MMUT: variants seen among roughly 807,000 people sequenced by gnomAD.
MMUT encodes the protein methylmalonyl-CoA mutase, mitochondrial.
A neutral mutation model predicts 79.9 loss-of-function variants in MMUT; 79 were observed. The ratio of observed to expected loss-of-function variants is 0.99; its 90% confidence interval spans 0.82 to 1.19. The LOEUF (loss-of-function observed/expected upper bound fraction) is 1.19. MMUT is among the 50% of genes most tolerant of loss of function. The pLI, the probability that MMUT is intolerant of heterozygous loss-of-function variation, is 0.00. For missense variants in MMUT, 860 were observed against 917.2 expected, an observed-to-expected ratio of 0.94 and a Z score of 0.81; for synonymous variants, 273 against 295.7, an observed-to-expected ratio of 0.92 and a Z score of 0.79.
intron 6 of MMUT, among the ~76,000 whole-genome samples, chr6:49,449,654 G>A (rs779581372): frequency 1.1e-4 from 16 of 152,038 alleles, no homozygotes; most frequent in Non-Finnish European, 1.6e-4. Context: ...TGAAATAAAA[G>A]CCTGTACTCT....
intron 4 of MMUT, 50 bp from the exon 5 acceptor site, chr6:49,453,806 A>T (rs1324942098): frequency 1.4e-6 from 2 of 1,476,146 alleles, no homozygotes; most frequent in Admixed American, 1.7e-5. Flanking sequence ...AACAATATAG[A>T]GCAGAAAATA....
At chr6:49,442,726 G>A (rs1767308866) in intron 9 of MMUT, among the ~76,000 whole-genome samples, 1 of 152,006 alleles carries the variant, frequency 6.6e-6, no homozygotes, top group Non-Finnish European at 1.5e-5. Flanking sequence ...GAAAAAGGAA[G>A]CACTAAAAGC....
chr6:49,436,766 T>C (rs1417355130), intron 11 of MMUT, among the ~76,000 whole-genome samples: 1 of 152,114 alleles, frequency 6.6e-6, no homozygotes, highest in East Asian at 1.9e-4. Flanking sequence ...AAAAAAAGAA[T>C]GAGATCGTGT....
intron 9 of MMUT, 22 bp downstream of exon 9, chr6:49,444,617 C>T: frequency 6.3e-7 from 1 of 1,593,692 alleles, no homozygotes; most frequent in South Asian, 1.1e-5. Flanking sequence ...CTTTGGAAAC[C>T]TCCAAACTTA....
chr6:49,440,254 T>C lies in MMUT; in HGVS notation c.1908A>G (p.Thr636=), dbSNP rs1251970001. Residue 636 remains threonine, a synonymous_variant, in exon 11 of 13, where the codon ACA becomes ACG. Coordinates refer to ENST00000274813, the MANE Select transcript of MMUT (RefSeq NM_000255.4). ...GHDRGAKVIA[T]GFADLGFDVD... is the part of the protein sequence containing the mutation. ...CATCAAAACCAAGATCAGCAAATCC[T>C]GTAGCAATAACTTTTGCTCCTCTGT... 3 of 1,614,150 alleles carry C rather than the reference T, an allele frequency of 1.9e-6. No homozygotes were observed. The Middle Eastern group carries it at 4.9e-4, about 266-fold the overall frequency.
chr6:49,453,559 T>C, intron 5 of MMUT, 26 bp downstream of exon 5: 1 of 1,422,276 alleles, frequency 7.0e-7, no homozygotes, highest in Non-Finnish European at 9.6e-7. Context: ...TTTATTAAAA[T>C]TCTACATTTT....
At chr6:49,435,984 C>CA (rs1217420997) in intron 11 of MMUT, among the ~76,000 whole-genome samples, 2 of 151,938 alleles carry the variant, frequency 1.3e-5, no homozygotes, top group Non-Finnish European at 2.9e-5. Context: ...AGACACTTTC[C>CA]AAAAAAGACA....
chr6:49,443,090 C>T (rs891654846), intron 9 of MMUT, among the ~76,000 whole-genome samples: 1 of 152,056 alleles, frequency 6.6e-6, no homozygotes, highest in Non-Finnish European at 1.5e-5. Flanking sequence ...TTTAATGATA[C>T]TGCCATATAT....
chr6:49,435,571 C>T lies in MMUT; in HGVS notation c.2009G>A (p.Gly670Asp). 1 of 1,613,978 alleles carries T rather than the reference C, an allele frequency of 6.2e-7. No homozygotes were observed. Among genetic ancestry groups the T allele is most frequent in the Non-Finnish European group, 8.5e-7 (1 of 1,179,962 alleles). ...QAVDADVHAV[G>D]ISTLAAGHKT... Reference sequence around the variant, plus strand: ...ATGACCAGCAGCGAGGGTGCTTATGCCCACAGCATGCACATCCGCATCCAC... The same window carrying T: ...ATGACCAGCAGCGAGGGTGCTTATGTCCACAGCATGCACATCCGCATCCAC... The change falls in exon 12 of 13, where the codon GGC becomes GAC. Residue 670 changes from glycine to aspartate, a missense_variant. Coordinates refer to ENST00000274813, the MANE Select transcript of MMUT (RefSeq NM_000255.4).
intron 6 of MMUT, among the ~76,000 whole-genome samples, chr6:49,450,400 A>G (rs887473936): frequency 6.6e-6 from 1 of 151,964 alleles, no homozygotes; most frequent in African/African-American, 2.4e-5. Flanking sequence ...AATATTTTTT[A>G]AAAAAAGGTG....
chr6:49,435,227 CT>C (rs1767090516), intron 12 of MMUT, among the ~76,000 whole-genome samples: 1 of 152,110 alleles, frequency 6.6e-6, no homozygotes, highest in Non-Finnish European at 1.5e-5. Context: ...GGAGGTAGTT[CT>C]CTCATTGAAG....
rs1238694184 is a variant in MMUT at position 49,441,907 on chromosome 6, G to A, written c.1741C>T (p.Arg581Ter). 5.6e-6 allele frequency: 9 copies of A among 1,611,756 alleles called. No homozygotes were observed. Among genetic ancestry groups the A allele is most frequent in the Middle Eastern group, 1.6e-4 (1 of 6,068 alleles). The change falls in exon 10 of 13, where the codon CGA becomes TGA. Residue 581 changes from arginine to a stop codon, truncating the protein, a stop_gained. Coordinates refer to ENST00000274813, the MANE Select transcript of MMUT (RefSeq NM_000255.4). LOFTEE classifies it high-confidence loss of function. ...TGGCGATATGCTCCACTCACCATTCGATCATTCGCTTTATGTTCACCAAAT... is the reference window on the plus strand; with the variant it reads ...TGGCGATATGCTCCACTCACCATTCAATCATTCGCTTTATGTTCACCAAAT... ...KVFGEHKAND[R>*]MVSGAYRQEF...
chr6:49,436,037 CTGAT>C (rs144798813), intron 11 of MMUT, among the ~76,000 whole-genome samples: 2,888 of 152,252 alleles, frequency 0.019, 102 homozygotes, highest in African/African-American at 0.066. Flanking sequence ...CTCCAAATCA[CTGAT>C]TGTTAGAGAA....
intron 1 of MMUT, among the ~76,000 whole-genome samples, chr6:49,462,267 C>A (rs569977827): frequency 7.9e-5 from 12 of 152,288 alleles, no homozygotes; most frequent in African/African-American, 2.9e-4. Flanking sequence ...ATCCCACCCC[C>A]ACACCTCAAA....
At chr6:49,436,148 G>A (rs1581818788) in intron 11 of MMUT, among the ~76,000 whole-genome samples, 1 of 152,320 alleles carries the variant, frequency 6.6e-6, no homozygotes, top group African/African-American at 2.4e-5. Flanking sequence ...AGGTTGTGGA[G>A]AAAATGGAAC....
chr6:49,454,778 G>T lies in MMUT; in HGVS notation c.912-1022C>A, dbSNP rs77005759. On this transcript the variant is annotated intron_variant, in intron 4 of 12. Transcript: ENST00000274813. ...AGTAACAATAAGGAAGGGCACAGAG[G>T]CTACTGCCTAGAATCTCAGCACTTT... Among the ~76,000 whole-genome samples, 1,382 of 152,260 alleles carry T rather than the reference G, an allele frequency of 9.1e-3. 21 individuals carry two copies. The highest frequency in any genetic ancestry group is 0.031 in the African/African-American group (1,296 of 41,534).
chr6:49,441,831 A>G lies in MMUT; in HGVS notation c.1808+9T>C. 6.2e-7 allele frequency: 1 copy of G among 1,609,480 alleles called. No homozygotes were observed. Among genetic ancestry groups the G allele is most frequent in the Non-Finnish European group, 8.5e-7 (1 of 1,177,090 alleles). On this transcript the variant is annotated intron_variant, in intron 10 of 12. Coordinates refer to ENST00000274813, the MANE Select transcript of MMUT (RefSeq NM_000255.4). ...ATGAAATTCTGGCCTAAGAAACCTT[A>G]CATATTACCTCTTGATAGCAGATGT...
At chr6:49,458,558 G>T (rs1293448938) in intron 2 of MMUT, among the ~76,000 whole-genome samples, 2 of 152,156 alleles carry the variant, frequency 1.3e-5, no homozygotes, top group Admixed American at 6.5e-5. Flanking sequence ...TATACTAAAT[G>T]TAAGTTCAAC....
chr6:49,436,400 G>A (rs1023183711), intron 11 of MMUT, among the ~76,000 whole-genome samples: 2 of 152,024 alleles, frequency 1.3e-5, no homozygotes, highest in African/African-American at 4.8e-5. Context: ...GAGGTCATGA[G>A]TTCGAGACCA....
Sources: allele counts gnomAD v4.1 joint callset (sites outside exome capture counted in the v4.1 genomes callset), GRCh38; gene constraint gnomAD v4.1.1; transcripts MANE v1.5; gene names NCBI Gene and HGNC (gene_info 2026-07-23, HGNC 2026-07-21).